Variants in ROCK1 observed in about 807,000 individuals in gnomAD.
ROCK1 encodes the protein rho-associated protein kinase 1.
ROCK1 carries 36 observed loss-of-function variants against 196.8 expected under a neutral mutation model. The observed-to-expected ratio is 0.18, with a 90% confidence interval of 0.14 to 0.24. ROCK1 has a LOEUF of 0.24. Ranked by LOEUF, ROCK1 falls within the 10% of genes least tolerant of loss-of-function variation. ROCK1 has a pLI of 1.00. For synonymous variants in ROCK1, 443 were observed against 515.9 expected, an observed-to-expected ratio of 0.86 and a Z score of 1.91; for missense variants, 920 against 1,562.0, an observed-to-expected ratio of 0.59 and a Z score of 6.93.
At chr18:21,063,692 C>G (rs2036310694) in intron 2 of ROCK1, among the ~76,000 whole-genome samples, 3 of 152,124 alleles carry the variant, frequency 2.0e-5, no homozygotes, top group African/African-American at 7.2e-5. Context: ...ACGTAGGTAA[C>G]TGTACATAGG....
chr18:20,959,874 C>G lies in ROCK1; in HGVS notation c.3478G>C (p.Glu1160Gln), dbSNP rs1160926202. The G allele has an allele frequency of 6.2e-7, 1 of 1,611,636 alleles. No individual in the cohort carries two copies. The highest frequency in any genetic ancestry group is 2.2e-5 in the East Asian group (1 of 44,674). The change falls in exon 29 of 33, where the codon GAG becomes CAG. Residue 1160 changes from glutamate to glutamine, a missense_variant. Glu to Gln is a conservative substitution (Grantham distance 29, BLOSUM62 2). Coordinates refer to ENST00000399799, the MANE Select transcript of ROCK1 (RefSeq NM_005406.3). Reference sequence around the variant, plus strand: ...AATACCATAGATGGATTGGATTGCTCCTTATCTTGTTCGTCATTATAGAAC... The same window carrying G: ...AATACCATAGATGGATTGGATTGCTGCTTATCTTGTTCGTCATTATAGAAC... ...ILFYNDEQDK[E>Q]QSNPSMVLDI...
rs552058951 is a variant in ROCK1, at chr18:21,057,157, T to C, written c.176-7277A>G. Among the ~76,000 whole-genome samples, 10 of 152,356 alleles carry C rather than the reference T, an allele frequency of 6.6e-5. No homozygotes were observed. The South Asian group carries it at 1.9e-3, about 28-fold the overall frequency. On this transcript the variant is annotated intron_variant, in intron 2 of 32. Transcript: ENST00000399799. ...CTTCCTTCATTCTAAAACCTCCAAA[T>C]AGGATGTTGTGACCATCTAGACTCT...
rs2035769000 is a variant in ROCK1, at chr18:21,006,396, G to A, written c.1840C>T (p.Arg614Ter). 1 of 1,613,162 alleles carries A rather than the reference G, an allele frequency of 6.2e-7. No individual in the cohort carries two copies. The change falls in exon 16 of 33, where the codon CGA becomes TGA. Residue 614 changes from arginine to a stop codon, truncating the protein, a stop_gained. Coordinates refer to ENST00000399799, the MANE Select transcript of ROCK1 (RefSeq NM_005406.3). LOFTEE classifies it high-confidence loss of function. ...YQLQAILEAE[R>*]RDRGHDSEMI... ...TCAGAATCATGACCTCTGTCTCTTCGTTCAGCTTCTAATATAGCTTGCAGC... is the reference window on the plus strand; with the variant it reads ...TCAGAATCATGACCTCTGTCTCTTCATTCAGCTTCTAATATAGCTTGCAGC...
intron 16 of ROCK1, among the ~76,000 whole-genome samples, chr18:20,994,608 A>C (rs898414212): frequency 4.6e-5 from 7 of 152,216 alleles, no homozygotes; most frequent in Non-Finnish European, 7.3e-5. Context: ...CTGTACAAAG[A>C]TAGTAATTCA....
At chr18:20,989,715 T>C (rs1320966921) in intron 18 of ROCK1, among the ~76,000 whole-genome samples, 1 of 151,916 alleles carries the variant, frequency 6.6e-6, no homozygotes, top group Non-Finnish European at 1.5e-5. Flanking sequence ...GAAGTTAAGA[T>C]GAGATGAGAG....
chr18:20,948,461 T>C lies in ROCK1; in HGVS notation c.*2923A>G, dbSNP rs1486897529. On this transcript the variant is annotated 3_prime_UTR_variant, in exon 33 of 33. Coordinates refer to ENST00000399799, the MANE Select transcript of ROCK1 (RefSeq NM_005406.3). ...AGTAACTATGAGTTTGTCATTTAAGTTCTTTTACTTATTTTTTTTACTTTA... is the reference window on the plus strand; with the variant it reads ...AGTAACTATGAGTTTGTCATTTAAGCTCTTTTACTTATTTTTTTTACTTTA... The C allele has an allele frequency of 6.6e-6, 1 of 150,818 alleles. No individual in the cohort carries two copies. Among genetic ancestry groups the C allele is most frequent in the Non-Finnish European group, 1.5e-5 (1 of 68,016 alleles). The allele number at this position is 150,818 out of a possible 1,614,324, so 9.3% of individuals were successfully genotyped here.
At chr18:21,001,459 A>G (rs1345810032) in intron 16 of ROCK1, among the ~76,000 whole-genome samples, 1 of 152,198 alleles carries the variant, frequency 6.6e-6, no homozygotes, top group African/African-American at 2.4e-5. Context: ...TATAGACAGC[A>G]AAAGCTGTTA....
At chr18:21,027,025 G>GC (rs1248579799) in intron 10 of ROCK1, among the ~76,000 whole-genome samples, 5 of 147,126 alleles carry the variant, frequency 3.4e-5, no homozygotes, top group Admixed American at 6.9e-5. Context: ...TGTAACCTCC[G>GC]CCCCCCAGGT....
intron 29 of ROCK1, among the ~76,000 whole-genome samples, chr18:20,958,806 TAAAC>T (rs1434474468): frequency 6.9e-6 from 1 of 144,314 alleles, no homozygotes; most frequent in Non-Finnish European, 1.5e-5. Flanking sequence ...AAATGCGATG[TAAAC>T]AGTTGTTATA....
intron 1 of ROCK1, among the ~76,000 whole-genome samples, chr18:21,103,893 A>G (rs1204523980): frequency 6.6e-6 from 1 of 152,272 alleles, no homozygotes; most frequent in Non-Finnish European, 1.5e-5. Context: ...CTGAATTTTC[A>G]GTCCAGTGTT....
intron 29 of ROCK1, among the ~76,000 whole-genome samples, chr18:20,956,824 C>A (rs1339139430): frequency 6.6e-6 from 1 of 151,948 alleles, no homozygotes; most frequent in African/African-American, 2.4e-5. Flanking sequence ...CTCTTAAAAA[C>A]CAATCTTAAA....
chr18:20,966,879 C>T (rs1313506823), intron 27 of ROCK1, 38 bp downstream of exon 27: 1 of 1,488,482 alleles, frequency 6.7e-7, no homozygotes, highest in Non-Finnish European at 9.2e-7. Flanking sequence ...ATTTCCATGA[C>T]ATTTATACAT....
intron 1 of ROCK1, among the ~76,000 whole-genome samples, chr18:21,103,988 T>C (rs183210284): frequency 2.0e-5 from 3 of 152,328 alleles, no homozygotes; most frequent in Admixed American, 2.0e-4. Context: ...CTTGAACACA[T>C]GTGTGTCGTA....
At chr18:20,973,586 T>C (rs2035451022) in intron 22 of ROCK1, among the ~76,000 whole-genome samples, 1 of 152,014 alleles carries the variant, frequency 6.6e-6, no homozygotes, top group African/African-American at 2.4e-5. Context: ...CAAGTCATAT[T>C]CTTAAGTAGG....
At chr18:20,979,305 G>A (rs184042305) in intron 22 of ROCK1, among the ~76,000 whole-genome samples, 1 of 152,242 alleles carries the variant, frequency 6.6e-6, no homozygotes, top group Admixed American at 6.5e-5. Flanking sequence ...AAGACAGCAT[G>A]ATTTATATAT....
At chr18:21,055,590 T>C (rs1366766571) in intron 2 of ROCK1, among the ~76,000 whole-genome samples, 1 of 152,226 alleles carries the variant, frequency 6.6e-6, no homozygotes, top group Non-Finnish European at 1.5e-5. Flanking sequence ...CTAGATGTCA[T>C]CCTTTTTCAT....
At chr18:21,018,394 G>A (rs1370682348) in intron 12 of ROCK1, among the ~76,000 whole-genome samples, 1 of 152,016 alleles carries the variant, frequency 6.6e-6, no homozygotes, top group Non-Finnish European at 1.5e-5. Flanking sequence ...GCCAGGCGTG[G>A]TGGCAGGAGC....
At chr18:21,045,917 T>G (rs1477540758) in intron 4 of ROCK1, among the ~76,000 whole-genome samples, 4 of 137,908 alleles carry the variant, frequency 2.9e-5, no homozygotes, top group East Asian at 2.1e-4. Context: ...TTTTTTTTTT[T>G]TTTTTTTTTT....
chr18:21,045,899 GTTTTTTTTT>G (rs34360056), intron 4 of ROCK1, among the ~76,000 whole-genome samples: 94 of 62,498 alleles, frequency 1.5e-3, no homozygotes, highest in African/African-American at 5.9e-3. Context: ...AGTTTCAGCT[GTTTTTTTTT>G]TTTTTTTTTT....
Sources: gnomAD v4.1 joint callset for allele counts (sites outside exome capture counted in the v4.1 genomes callset) on GRCh38, gnomAD v4.1.1 for gene constraint, MANE v1.5 for transcripts, NCBI Gene and HGNC (gene_info 2026-07-23, HGNC 2026-07-21) for gene names.